Variants in STPG1 observed in about 807,000 individuals in gnomAD.
STPG1 encodes the protein sperm tail PG-rich repeat containing 1.
STPG1 carries 33 observed loss-of-function variants against 40.1 expected under a neutral mutation model. The observed-to-expected ratio is 0.82, with a 90% confidence interval of 0.62 to 1.10. The LOEUF (loss-of-function observed/expected upper bound fraction) is 1.10. STPG1 is among the 50% of genes least tolerant of loss of function. The pLI is 0.00. For missense variants in STPG1, 396 were observed against 415.1 expected (o/e 0.95, Z 0.40); for synonymous variants, 150 against 155.0 (o/e 0.97, Z 0.24).
At chr1:24,371,528 T>C (rs1360126042) in intron 6 of STPG1, among the ~76,000 whole-genome samples, 1 of 151,344 alleles carries the variant, frequency 6.6e-6, no homozygotes, top group African/African-American at 2.4e-5. Flanking sequence ...GAGGCGAAGG[T>C]TGCAGTGAGC....
At chr1:24,376,195 A>G (rs969189711) in intron 5 of STPG1, among the ~76,000 whole-genome samples, 8 of 152,000 alleles carry the variant, frequency 5.3e-5, no homozygotes, top group African/African-American at 1.7e-4. Context: ...TTATTTTTGT[A>G]TTTTTAGTAG....
rs1640917973 is a variant in STPG1 at position 24,359,084 on chromosome 1, T to C, written c.929-465A>G. ...AAACTCATGTTGATACTGACTTGGT[T>C]AATGAGGGTCCCGTGCACAGCCTCT... On this transcript the variant is annotated intron_variant, in intron 8 of 8. Coordinates refer to ENST00000337248, the MANE Select transcript of STPG1 (RefSeq NM_001199013.2). This position sits in a 1 kb window ranked among gnomAD's most constrained non-coding sequence, Gnocchi z 5.3. Among the ~76,000 whole-genome samples, 1 of 152,142 alleles carries C rather than the reference T, an allele frequency of 6.6e-6. No individual in the cohort carries two copies. The highest frequency in any genetic ancestry group is 2.1e-4 in the South Asian group (1 of 4,828).
chr1:24,392,555 C>T (rs553062215), intron 2 of STPG1, among the ~76,000 whole-genome samples: 1 of 152,338 alleles, frequency 6.6e-6, no homozygotes, highest in African/African-American at 2.4e-5. Context: ...GCCCTCAGTC[C>T]AGCCTCGCTT....
intron 1 of STPG1, chr1:24,412,126 G>T (rs1437038095): frequency 6.6e-6 from 1 of 152,186 alleles, no homozygotes; most frequent in Non-Finnish European, 1.5e-5. Context: ...AATATAAAAT[G>T]CATTTACCAT....
chr1:24,380,161 A>C (rs1191741860), intron 4 of STPG1, among the ~76,000 whole-genome samples: 1 of 152,200 alleles, frequency 6.6e-6, no homozygotes, highest in Non-Finnish European at 1.5e-5. Flanking sequence ...TGTGATAGGA[A>C]GCTTTAGATG....
chr1:24,413,546 C>T (rs576297786), intron 1 of STPG1, 128 bp downstream of exon 1: 2 of 152,454 alleles, frequency 1.3e-5, no homozygotes, highest in South Asian at 4.1e-4. Flanking sequence ...CCTAGCTCAG[C>T]CCTGGAATTC....
chr1:24,407,878 T>A (rs1643474567), intron 1 of STPG1, among the ~76,000 whole-genome samples: 1 of 152,224 alleles, frequency 6.6e-6, no homozygotes, highest in African/African-American at 2.4e-5. Context: ...CATGTTCAGT[T>A]TCCTTTACAT....
At chr1:24,411,847 A>G (rs1437125175) in intron 1 of STPG1, 1 of 152,240 alleles carries the variant, frequency 6.6e-6, no homozygotes, top group Non-Finnish European at 1.5e-5. Flanking sequence ...TATTCACAGA[A>G]TGCTAGGTTT....
intron 4 of STPG1, among the ~76,000 whole-genome samples, chr1:24,381,945 G>C (rs1430135415): frequency 2.6e-5 from 4 of 152,112 alleles, no homozygotes; most frequent in Admixed American, 2.0e-4. Context: ...ACCACTTCAG[G>C]CACCCATCCC....
chr1:24,409,351 C>T (rs539890346), intron 1 of STPG1, among the ~76,000 whole-genome samples: 3 of 152,106 alleles, frequency 2.0e-5, no homozygotes, highest in South Asian at 2.1e-4. Flanking sequence ...CAAAGTGAGA[C>T]CCTGTCTCAA....
At chr1:24,379,916 T>C in intron 4 of STPG1, 93 bp from the exon 5 acceptor site, 1 of 1,295,238 alleles carries the variant, frequency 7.7e-7, no homozygotes, top group Non-Finnish European at 1.1e-6. Context: ...GCACAAGGTC[T>C]AAATGCATTT....
intron 1 of STPG1, among the ~76,000 whole-genome samples, chr1:24,402,201 G>A (rs1643252546): frequency 6.6e-6 from 1 of 152,158 alleles, no homozygotes; most frequent in Admixed American, 6.5e-5. Context: ...CACAATTGTT[G>A]CCTTTCTAGA....
At chr1:24,382,703 C>T (rs1303188488) in intron 4 of STPG1, among the ~76,000 whole-genome samples, 1 of 151,410 alleles carries the variant, frequency 6.6e-6, no homozygotes, top group Non-Finnish European at 1.5e-5. Flanking sequence ...TGGTCTGTTC[C>T]TTGAGTATCC....
Position 24,360,888 on chromosome 1 carries a change from C to A in STPG1, c.891G>T (p.Trp297Cys), listed in dbSNP as rs982760173. 1 of 1,613,622 alleles carries A rather than the reference C, an allele frequency of 6.2e-7. No homozygotes were observed. The change falls in exon 8 of 9, where the codon TGG (tryptophan) becomes TGT (cysteine). Residue 297 changes from tryptophan to cysteine, a missense_variant. Trp to Cys is a radical substitution (Grantham distance 215). Transcript: ENST00000337248. ...SASFVSNTSR[W>C]TAAPPQPGLP... ...GGCCTGGCTGAGGCGGCGCCGCTGTCCACCGGCTGGTATTGGACACGAATG... is the reference window on the plus strand; with the variant it reads ...GGCCTGGCTGAGGCGGCGCCGCTGTACACCGGCTGGTATTGGACACGAATG...
In STPG1 at chr1:24,383,953, C is replaced by T. The variant is rs758814468; in HGVS notation, c.240G>A (p.Val80=). The change falls in exon 4 of 9, where the codon GTG becomes GTA. Residue 80 remains valine (V), a synonymous_variant. Coordinates refer to ENST00000337248, the MANE Select transcript of STPG1 (RefSeq NM_001199013.2). The part of the protein sequence containing the change: ...GFYNVIHQSP[V]SNSVSLSKKG... ...TCTTGGACAATGAGACACTGTTGGA[C>T]ACCGGTGACTGGTGAATAACATTGT... 1.1e-5 allele frequency: 18 copies of T among 1,613,956 alleles called. No individual in the cohort carries two copies. Among genetic ancestry groups the T allele is most frequent in the Non-Finnish European group, 1.5e-5 (18 of 1,179,910 alleles).
At chr1:24,412,883 GCA>G (rs1383663853) in intron 1 of STPG1, among the ~76,000 whole-genome samples, 3 of 152,102 alleles carry the variant, frequency 2.0e-5, no homozygotes, top group Non-Finnish European at 4.4e-5. Flanking sequence ...ACAACTATAG[GCA>G]CAGTTTCATT....
chr1:24,383,932 G>T lies in STPG1; in HGVS notation c.261C>A (p.Ser87=), dbSNP rs1642392873. 5.6e-6 allele frequency: 9 copies of T among 1,613,640 alleles called. No homozygotes were observed. Among genetic ancestry groups the T allele is most frequent in the Non-Finnish European group, 7.6e-6 (9 of 1,179,504 alleles). The part of the protein sequence containing the change: ...QSPVSNSVSL[S]KKGTCMFPSM... ...AGGGAAACATGCAAGTTCCTTTCTT[G>T]GACAATGAGACACTGTTGGACACCG... The change falls in exon 4 of 9, where the codon TCC becomes TCA. Residue 87 remains serine (S), a synonymous_variant. Coordinates refer to ENST00000337248, the MANE Select transcript of STPG1 (RefSeq NM_001199013.2).
At chr1:24,368,811 T>G (rs1641591584) in intron 7 of STPG1, 1 of 152,874 alleles carries the variant, frequency 6.5e-6, no homozygotes, top group Admixed American at 6.5e-5. Flanking sequence ...TCCAAGTGAT[T>G]CTCCTGCCTC....
intron 3 of STPG1, among the ~76,000 whole-genome samples, chr1:24,387,372 G>A (rs986510343): frequency 2.0e-5 from 3 of 152,126 alleles, no homozygotes; most frequent in Non-Finnish European, 4.4e-5. Flanking sequence ...GGGGTTTGTG[G>A]GGTCTGGAAA....
Sources: gnomAD v4.1 joint callset for allele counts (sites outside exome capture counted in the v4.1 genomes callset) on GRCh38, gnomAD v4.1.1 for gene constraint, Gnocchi (gnomAD v3.1) non-coding constraint, MANE v1.5 for transcripts, NCBI Gene and HGNC (gene_info 2026-07-23, HGNC 2026-07-21) for gene names.